PTPRA: variants seen among roughly 807,000 people sequenced by gnomAD.
The protein encoded by PTPRA is protein tyrosine phosphatase receptor type A, also known as receptor-type tyrosine-protein phosphatase alpha.
In PTPRA, 25 loss-of-function variants were observed where a neutral mutation model predicts 104.8. The observed-to-expected ratio is 0.24, with a 90% CI of 0.17 to 0.33. PTPRA has a LOEUF of 0.33. Among genes scored for constraint, PTPRA ranks in the 10% least tolerant of loss-of-function variants. The pLI is 1.00. For missense variants in PTPRA, 765 were observed against 1,015.3 expected, an observed-to-expected ratio of 0.75 and a Z score of 3.35; for synonymous variants, 323 against 368.9, an observed-to-expected ratio of 0.88 and a Z score of 1.43.
the PTPRA span, chr20:2,866,199 C>T: frequency 2.5e-6 from 4 of 1,613,662 alleles, no homozygotes; most frequent in Non-Finnish European, 3.4e-6. Context: ...CCACCCGCTT[C>T]CTCTCCTCCA....
intron 3 of PTPRA, among the ~76,000 whole-genome samples, chr20:2,961,832 G>A (rs1600178570): frequency 6.6e-6 from 1 of 152,142 alleles, no homozygotes; most frequent in East Asian, 1.9e-4. Flanking sequence ...TCTATATGTA[G>A]CTGTCCCTTT....
At chr20:2,948,759 G>A (rs1352889983) in intron 3 of PTPRA, among the ~76,000 whole-genome samples, 1 of 151,738 alleles carries the variant, frequency 6.6e-6, no homozygotes, top group Admixed American at 6.6e-5. Flanking sequence ...AGACCATCCT[G>A]GCTAACACAG....
chr20:3,024,737 G>GT, intron 17 of PTPRA, 116 bp downstream of exon 17: 1 of 1,265,880 alleles, frequency 7.9e-7, no homozygotes, highest in Admixed American at 2.1e-5. Context: ...CATGCCAGTG[G>GT]TTAAGGAGAT....
intron 22 of PTPRA, among the ~76,000 whole-genome samples, 172 bp from the exon 23 acceptor site, chr20:3,036,982 G>A (rs563333168): frequency 6.0e-4 from 91 of 152,284 alleles, no homozygotes; most frequent in African/African-American, 1.9e-3. Flanking sequence ...CATGCAGGAA[G>A]GGCACAGGGT....
chr20:2,866,591 A>C, the PTPRA span: 38 of 1,612,956 alleles, frequency 2.4e-5, 1 homozygote, highest in Middle Eastern at 5.2e-4. Flanking sequence ...CATCCTGTAC[A>C]TCTCAAGCAA....
rs1286350028 is a variant in PTPRA at position 2,909,985 on chromosome 20, T to C, written c.-128-13222T>C. On this transcript the variant is annotated intron_variant, in intron 1 of 23. Transcript: ENST00000399903. ...TATGATATATATATAATCTATCATA[T>C]ATCATATATATAATCTATCATATAT... is the stretch of plus-strand genomic sequence containing the variant. Among the ~76,000 whole-genome samples, 4 of 98,562 alleles carry C rather than the reference T, an allele frequency of 4.1e-5. No individual in the cohort carries two copies. The East Asian group carries it at 1.0e-3, about 26-fold the overall frequency. The allele number at this position is 98,562 out of a possible 152,430, so 64.7% of individuals were successfully genotyped here. A position where few individuals can be genotyped will look rare whatever the true frequency, so the allele number is the denominator to read the frequency against.
intron 3 of PTPRA, among the ~76,000 whole-genome samples, chr20:2,962,022 C>G (rs997123231): frequency 1.1e-4 from 16 of 152,192 alleles, no homozygotes; most frequent in African/African-American, 3.9e-4. Flanking sequence ...GTCTTGAAGT[C>G]CAATAGCATT....
At chr20:2,929,199 G>C (rs1396362348) in intron 2 of PTPRA, among the ~76,000 whole-genome samples, 1 of 151,540 alleles carries the variant, frequency 6.6e-6, no homozygotes, top group Non-Finnish European at 1.5e-5. Context: ...CGATCCACCT[G>C]CCTCAGCCTC....
intron 9 of PTPRA, among the ~76,000 whole-genome samples, chr20:2,995,236 G>C (rs1268457186): frequency 6.6e-6 from 1 of 152,158 alleles, no homozygotes; most frequent in South Asian, 2.1e-4. Flanking sequence ...TAATGATCCA[G>C]CTCAGTGAAT....
chr20:2,930,467 CCAAA>C (rs1485877883), intron 2 of PTPRA, among the ~76,000 whole-genome samples: 15 of 151,986 alleles, frequency 9.9e-5, no homozygotes, highest in Admixed American at 9.8e-4. Flanking sequence ...CTGGTGCTGC[CCAAA>C]CAAAGTACCA....
Position 2,990,517 on chromosome 20 carries a change from G to A in PTPRA, c.738+2043G>A, listed in dbSNP as rs79994032. Among the ~76,000 whole-genome samples, 916 of 152,126 alleles carry A rather than the reference G, an allele frequency of 6.0e-3. 5 individuals carry two copies. The highest frequency in any genetic ancestry group is 6.4e-3 in the Non-Finnish European group (438 of 67,964). Reference sequence around the variant, plus strand: ...CAGATTGCCTTGATCACAGGAGTTCGAAACCAGCCTGAGCAACATGGTGAA... The same window carrying A: ...CAGATTGCCTTGATCACAGGAGTTCAAAACCAGCCTGAGCAACATGGTGAA... On this transcript the variant is annotated intron_variant, in intron 9 of 23. Transcript: ENST00000399903.
chr20:2,869,909 A>T (rs991831035), upstream of PTPRA, among the ~76,000 whole-genome samples: 6 of 150,424 alleles, frequency 4.0e-5, no homozygotes, highest in African/African-American at 1.5e-4. Flanking sequence ...CAGGAGGTGG[A>T]GGTTGCAGTG....
intron 2 of PTPRA, among the ~76,000 whole-genome samples, chr20:2,925,574 GAGGCCGAGGC>G: frequency 6.6e-6 from 1 of 152,190 alleles, no homozygotes; most frequent in Non-Finnish European, 1.5e-5. Context: ...AGCACTTTGG[GAGGCCGAGGC>G]AGGCGGATCA....
intron 3 of PTPRA, among the ~76,000 whole-genome samples, chr20:2,951,258 C>T (rs1178148086): frequency 1.3e-5 from 2 of 152,110 alleles, no homozygotes; most frequent in Admixed American, 6.6e-5. Flanking sequence ...CCCGCCACCA[C>T]GCCCAGCTAG....
chr20:2,918,445 G>C (rs2059987303), intron 1 of PTPRA, among the ~76,000 whole-genome samples: 1 of 152,210 alleles, frequency 6.6e-6, no homozygotes, highest in Non-Finnish European at 1.5e-5. Flanking sequence ...CAAGACCAGT[G>C]GTTGCCGTAG....
the PTPRA span, chr20:2,865,027 A>G: frequency 6.2e-7 from 1 of 1,614,174 alleles, no homozygotes. This position sits in a 1 kb window ranked among gnomAD's most constrained non-coding sequence, Gnocchi z 5.2. Context: ...GATGCCTTCT[A>G]CAAGGCCAAG....
At chr20:3,029,544 T>TTTTTTTTTTTTTTTG (rs2065326923) in intron 20 of PTPRA, among the ~76,000 whole-genome samples, 1 of 128,290 alleles carries the variant, frequency 7.8e-6, no homozygotes, top group Non-Finnish European at 1.6e-5. Context: ...CATCATCTTT[T>TTTTTTTTTTTTTTTG]TTTTTTTTTT....
At chr20:2,934,563 T>C (rs1050817749) in intron 2 of PTPRA, among the ~76,000 whole-genome samples, 5 of 152,134 alleles carry the variant, frequency 3.3e-5, no homozygotes, top group Non-Finnish European at 5.9e-5. Flanking sequence ...TATTTGTATA[T>C]GTGAACTTTT....
At position 2,944,902 on chromosome 20, in the gene PTPRA, T is replaced by C. The variant is rs114792679; in HGVS notation, c.-49-3080T>C. On this transcript the variant is annotated intron_variant, in intron 2 of 23. Coordinates refer to ENST00000399903, the MANE Select transcript of PTPRA (RefSeq NM_001385305.1). Reference sequence around the variant, plus strand: ...TGTGGTTTGATGTTTTTCCTCAGTTTTGGAGAATTTTCAGCCTTCGTCTGT... The same window carrying C: ...TGTGGTTTGATGTTTTTCCTCAGTTCTGGAGAATTTTCAGCCTTCGTCTGT... Among the ~76,000 whole-genome samples, 1,232 of 152,368 alleles carry C rather than the reference T, an allele frequency of 8.1e-3. 11 individuals carry two copies. Among genetic ancestry groups the C allele is most frequent in the South Asian group, 0.028 (135 of 4,830 alleles).
Sources: gnomAD v4.1 joint callset for allele counts (sites outside exome capture counted in the v4.1 genomes callset) on GRCh38, gnomAD v4.1.1 for gene constraint, Gnocchi (gnomAD v3.1) non-coding constraint, MANE v1.5 for transcripts, NCBI Gene and HGNC (gene_info 2026-07-23, HGNC 2026-07-21) for gene names.